ATRNL1: variants seen among roughly 807,000 people sequenced by gnomAD.
ATRNL1 encodes attractin-like protein 1.
Under a neutral mutation model 182.7 loss-of-function variants are expected in ATRNL1, and 95 were observed. The ratio of observed to expected loss-of-function variants is 0.52; its 90% CI spans 0.44 to 0.62. The LOEUF is 0.62. Among genes scored for constraint, ATRNL1 ranks in the 20% least tolerant of loss-of-function variants. The pLI is 0.00. For missense variants in ATRNL1, 1,471 were observed against 1,679.5 expected (o/e 0.88, Z 2.17); for synonymous variants, 576 against 568.3 (o/e 1.01, Z -0.19).
intron 27 of ATRNL1, among the ~76,000 whole-genome samples, chr10:115,817,144 G>C (rs915190067): frequency 4.6e-5 from 7 of 152,094 alleles, no homozygotes; most frequent in Non-Finnish European, 1.0e-4. Flanking sequence ...CCTAGAGCCA[G>C]TGAAACACAG....
chr10:115,688,035 C>G (rs1377427588), intron 26 of ATRNL1, among the ~76,000 whole-genome samples: 1 of 152,022 alleles, frequency 6.6e-6, no homozygotes, highest in Non-Finnish European at 1.5e-5. Context: ...GAAATCAAGT[C>G]TTTTATCTTC....
At chr10:115,849,143 G>A (rs964289130) in intron 28 of ATRNL1, among the ~76,000 whole-genome samples, 1 of 152,138 alleles carries the variant, frequency 6.6e-6, no homozygotes, top group African/African-American at 2.4e-5. Context: ...GGTACCTGAT[G>A]ATATCTTATT....
intron 27 of ATRNL1, among the ~76,000 whole-genome samples, chr10:115,831,440 T>C (rs1452479100): frequency 1.3e-5 from 2 of 152,158 alleles, no homozygotes; most frequent in Non-Finnish European, 2.9e-5. Flanking sequence ...GGAATGAGCA[T>C]CTCATAGATG....
chr10:115,093,851 C>CCTGGCTGCTGGACGGGAACAG lies in ATRNL1; in HGVS notation c.112_132dup (p.Asp38_Leu44dup). The CCTGGCTGCTGGACGGGAACAG allele has an allele frequency of 6.4e-7, 1 of 1,552,396 alleles. No individual in the cohort carries two copies. ...GGCGGCGGCGGCGGGGGCGCCTCCTCCTGGCTGCTGGACGGGAACAGCTGG... is the reference window on the plus strand; with the variant it reads ...GGCGGCGGCGGCGGGGGCGCCTCCTCCTGGCTGCTGGACGGGAACAGCTGGCTGCTGGACGGGAACAGCTGG... On this transcript the variant is annotated inframe_insertion, in exon 1 of 29. Coordinates refer to ENST00000355044, the MANE Select transcript of ATRNL1 (RefSeq NM_207303.4). The surrounding 1 kb of genome is among the most constrained non-coding windows in gnomAD (Gnocchi z 6.1).
At chr10:115,151,671 G>T (rs1313938) in intron 5 of ATRNL1, among the ~76,000 whole-genome samples, 1 of 151,884 alleles carries the variant, frequency 6.6e-6, no homozygotes, top group African/African-American at 2.4e-5. Flanking sequence ...TGTAGGTTGC[G>T]TGTTCACTTT....
intron 10 of ATRNL1, among the ~76,000 whole-genome samples, chr10:115,249,501 A>T (rs1850783896): frequency 6.6e-6 from 1 of 152,192 alleles, no homozygotes; most frequent in Non-Finnish European, 1.5e-5. Context: ...TAATGTAATT[A>T]TCTATCCCTC....
chr10:115,274,886 G>T (rs1852035900), intron 13 of ATRNL1, among the ~76,000 whole-genome samples: 1 of 152,158 alleles, frequency 6.6e-6, no homozygotes, highest in Non-Finnish European at 1.5e-5. Flanking sequence ...ATTACAATTG[G>T]TATTACCACT....
At chr10:115,802,775 G>A (rs1386149679) in intron 27 of ATRNL1, among the ~76,000 whole-genome samples, 3 of 152,114 alleles carry the variant, frequency 2.0e-5, no homozygotes, top group Non-Finnish European at 4.4e-5. Flanking sequence ...AAGAAATTAA[G>A]TCAGAAGCCT....
At chr10:115,338,857 T>G (rs1484235246) in intron 19 of ATRNL1, among the ~76,000 whole-genome samples, 1 of 152,214 alleles carries the variant, frequency 6.6e-6, no homozygotes, top group African/African-American at 2.4e-5. Flanking sequence ...GTTTCATAGT[T>G]TGAGGTCTTA....
At chr10:115,528,635 C>T (rs927527076) in intron 25 of ATRNL1, among the ~76,000 whole-genome samples, 1 of 151,230 alleles carries the variant, frequency 6.6e-6, no homozygotes, top group Admixed American at 6.6e-5. Flanking sequence ...TATTGTTTAT[C>T]TTGCTCTAAT....
chr10:115,145,140 A>C (rs1376145525), intron 5 of ATRNL1, among the ~76,000 whole-genome samples: 1 of 152,084 alleles, frequency 6.6e-6, no homozygotes, highest in Non-Finnish European at 1.5e-5. Context: ...AAAATTTTTG[A>C]AGTTAGTCTT....
intron 20 of ATRNL1, among the ~76,000 whole-genome samples, chr10:115,417,762 T>C (rs1443070437): frequency 6.6e-6 from 1 of 152,182 alleles, no homozygotes; most frequent in Non-Finnish European, 1.5e-5. Flanking sequence ...GTTACCCTCC[T>C]TGGATCTTCC....
At chr10:115,770,695 T>C (rs782680249) in intron 27 of ATRNL1, among the ~76,000 whole-genome samples, 4 of 152,172 alleles carry the variant, frequency 2.6e-5, no homozygotes, top group Non-Finnish European at 5.9e-5. Flanking sequence ...ATGTTTAAAA[T>C]GGTTAGCTTC....
intron 8 of ATRNL1, among the ~76,000 whole-genome samples, 186 bp from the exon 9 acceptor site, chr10:115,215,511 A>G (rs942987806): frequency 1.3e-5 from 2 of 152,166 alleles, no homozygotes; most frequent in Non-Finnish European, 2.9e-5. Context: ...GTGTTACTCA[A>G]CTTCAAACCC....
At chr10:115,704,900 C>T (rs1946849398) in intron 26 of ATRNL1, among the ~76,000 whole-genome samples, 1 of 151,346 alleles carries the variant, frequency 6.6e-6, no homozygotes, top group South Asian at 2.1e-4. Context: ...CTTCCATAAC[C>T]CTCTTCTCTT....
At chr10:115,651,819 T>C (rs1464597986) in intron 26 of ATRNL1, among the ~76,000 whole-genome samples, 2 of 152,128 alleles carry the variant, frequency 1.3e-5, no homozygotes, top group Non-Finnish European at 2.9e-5. Flanking sequence ...TCTTTACCGA[T>C]GATTGGTTAG....
At position 115,828,655 on chromosome 10, in the gene ATRNL1, C is replaced by T. The variant is rs114595345; in HGVS notation, c.3904-19222C>T. ...TTACATTCAGTATTATTTAGACAAG[C>T]TCAAATTATAATCATTATATTTACC... On this transcript the variant is annotated intron_variant, in intron 27 of 28. Transcript: ENST00000355044. Among the ~76,000 whole-genome samples, 356 of 152,254 alleles carry T rather than the reference C, an allele frequency of 2.3e-3. 1 individual carries two copies. Among genetic ancestry groups the T allele is most frequent in the African/African-American group, 8.3e-3 (343 of 41,546 alleles).
At chr10:115,826,605 A>G (rs756777054) in intron 27 of ATRNL1, among the ~76,000 whole-genome samples, 2 of 152,146 alleles carry the variant, frequency 1.3e-5, no homozygotes, top group African/African-American at 2.4e-5. Context: ...TTCTTGTCCC[A>G]TGACTAAGAG....
At chr10:115,928,026 G>A (rs1473507663) in intron 28 of ATRNL1, among the ~76,000 whole-genome samples, 1 of 152,114 alleles carries the variant, frequency 6.6e-6, no homozygotes, top group African/African-American at 2.4e-5. Flanking sequence ...CTGTTTGGGA[G>A]ACTGAATTGC....
Sources: gnomAD v4.1 joint callset for allele counts (sites outside exome capture counted in the v4.1 genomes callset) on GRCh38, gnomAD v4.1.1 for gene constraint, Gnocchi (gnomAD v3.1) non-coding constraint, MANE v1.5 for transcripts, NCBI Gene and HGNC (gene_info 2026-07-23, HGNC 2026-07-21) for gene names.